Variants in ZGRF1 observed in about 807,000 individuals in gnomAD.
The protein encoded by ZGRF1 is zinc finger GRF-type containing 1.
A neutral mutation model predicts 203.5 loss-of-function variants in ZGRF1; 196 were observed. The observed-to-expected ratio is 0.96, with a 90% CI of 0.86 to 1.08. ZGRF1 has a LOEUF of 1.08. Among genes scored for constraint, ZGRF1 ranks in the 50% least tolerant of loss-of-function variants. The pLI is 0.00. For synonymous variants in ZGRF1, 809 were observed against 841.3 expected (o/e 0.96, Z 0.66); for missense variants, 2,326 against 2,416.3 (o/e 0.96, Z 0.78).
intron 16 of ZGRF1, among the ~76,000 whole-genome samples, chr4:112,578,566 A>G (rs570203810): frequency 8.2e-6 from 1 of 122,478 alleles, no homozygotes; most frequent in Non-Finnish European, 1.8e-5. Flanking sequence ...TCAAATAGAC[A>G]CAATAAAAAA....
chr4:112,586,012 T>C (rs949979542), intron 13 of ZGRF1, among the ~76,000 whole-genome samples: 17 of 150,468 alleles, frequency 1.1e-4, no homozygotes, highest in Non-Finnish European at 2.2e-4. Context: ...CCAAGGCGAG[T>C]AGATTGCTTG....
intron 8 of ZGRF1, among the ~76,000 whole-genome samples, chr4:112,607,344 C>T (rs1372306614): frequency 6.6e-6 from 1 of 152,090 alleles, no homozygotes; most frequent in Non-Finnish European, 1.5e-5. Context: ...GTATTGCCCA[C>T]ACTGATCTCA....
At chr4:112,548,637 G>T (rs1218150310) in intron 22 of ZGRF1, among the ~76,000 whole-genome samples, 2 of 150,006 alleles carry the variant, frequency 1.3e-5, no homozygotes, top group South Asian at 2.1e-4. Context: ...ATATTCAGAC[G>T]GAAAGTATCA....
intron 16 of ZGRF1, among the ~76,000 whole-genome samples, chr4:112,567,617 A>T (rs1216693887): frequency 1.3e-5 from 2 of 152,120 alleles, no homozygotes; most frequent in African/African-American, 4.8e-5. Flanking sequence ...ATAAATAAAT[A>T]CATATGCACA....
chr4:112,560,607 G>T, intron 19 of ZGRF1, 126 bp downstream of exon 19: 1 of 801,614 alleles, frequency 1.2e-6, no homozygotes, highest in Non-Finnish European at 2.0e-6. Flanking sequence ...GTGGGTACAG[G>T]TTTAAAAAGT....
chr4:112,621,520 G>A (rs974865199), intron 4 of ZGRF1, among the ~76,000 whole-genome samples: 13 of 151,614 alleles, frequency 8.6e-5, no homozygotes, highest in Admixed American at 3.3e-4. Context: ...GGGTGTGGTG[G>A]TGCATGCCTG....
rs757579465 is a variant in ZGRF1, at chr4:112,618,723, G to C, written c.1319C>G (p.Pro440Arg). The change falls in exon 6 of 28, where the codon CCT (proline) becomes CGT (arginine). Residue 440 changes from proline to arginine, a missense_variant. Coordinates refer to ENST00000505019, the MANE Select transcript of ZGRF1 (RefSeq NM_018392.5). ...GCACCCCTTGTCATTTTGATTAAAAGGTATTTTATTATCTTCTTGAATGTC... is the reference window on the plus strand; with the variant it reads ...GCACCCCTTGTCATTTTGATTAAAACGTATTTTATTATCTTCTTGAATGTC... ...ESDIQEDNKI[P>R]FNQNDKGCIK... 3 of 1,610,612 alleles carry C rather than the reference G, an allele frequency of 1.9e-6. No individual in the cohort carries two copies. Among genetic ancestry groups the C allele is most frequent in the Non-Finnish European group, 2.5e-6 (3 of 1,179,040 alleles).
intron 10 of ZGRF1, among the ~76,000 whole-genome samples, chr4:112,593,980 C>T (rs950193642): frequency 6.6e-6 from 1 of 151,944 alleles, no homozygotes; most frequent in African/African-American, 2.4e-5. Context: ...CACTTGAACT[C>T]CTGGGCTCAA....
chr4:112,541,001 T>C (rs746931688), intron 25 of ZGRF1, 46 bp from the exon 26 acceptor site: 8 of 1,550,198 alleles, frequency 5.2e-6, no homozygotes, highest in South Asian at 3.6e-5. Context: ...AGAAAGGCTA[T>C]GGAAAAACCA....
intron 3 of ZGRF1, chr4:112,628,860 A>C (rs996584125): frequency 2.3e-6 from 1 of 434,112 alleles, no homozygotes; most frequent in South Asian, 1.7e-5. Flanking sequence ...ATCTAAAGAA[A>C]AAGGCAGAAT....
At chr4:112,592,096 C>CTTTTTT (rs961223953) in intron 10 of ZGRF1, among the ~76,000 whole-genome samples, 5 of 128,570 alleles carry the variant, frequency 3.9e-5, no homozygotes, top group Admixed American at 8.0e-5. Context: ...CTCATTCATT[C>CTTTTTT]TTTTTTTTTT....
rs758972205 is a variant in ZGRF1, at chr4:112,619,018, TAG to T, written c.1022_1023del (p.Ser341TyrfsTer6). ...CTTTCTGTATCATTCCCATCTACAG[TAG>T]AAGAATGTATAGGTGAACTCTGTGA... ...LSSQSSPIHS[S>X]TVDGNDTERK... On this transcript the variant is annotated frameshift_variant, in exon 6 of 28. Coordinates refer to ENST00000505019, the MANE Select transcript of ZGRF1 (RefSeq NM_018392.5). LOFTEE classifies it high-confidence loss of function. The T allele has an allele frequency of 4.3e-6, 7 of 1,613,926 alleles. No individual in the cohort carries two copies. Among genetic ancestry groups the T allele is most frequent in the Non-Finnish European group, 5.9e-6 (7 of 1,179,876 alleles).
intron 16 of ZGRF1, among the ~76,000 whole-genome samples, chr4:112,564,710 G>A (rs1401231231): frequency 6.6e-6 from 1 of 151,728 alleles, no homozygotes; most frequent in African/African-American, 2.4e-5. Flanking sequence ...ATGCTGGCTT[G>A]GAGATTTTTA....
intron 7 of ZGRF1, among the ~76,000 whole-genome samples, chr4:112,611,553 C>T (rs561851938): frequency 3.2e-4 from 48 of 152,366 alleles, no homozygotes; most frequent in African/African-American, 1.2e-3. Context: ...GAGAAACACT[C>T]ATCTAGATGA....
rs1368342001 is a variant in ZGRF1, at chr4:112,618,913, T to C, written c.1129A>G (p.Thr377Ala). The C allele has an allele frequency of 1.9e-6, 3 of 1,613,926 alleles. No homozygotes were observed. Among genetic ancestry groups the C allele is most frequent in the South Asian group, 2.2e-5 (2 of 91,070 alleles). The change falls in exon 6 of 28, where the codon ACG (threonine) becomes GCG (alanine). Residue 377 changes from threonine (T) to alanine (A), a missense_variant. Transcript: ENST00000505019. ...SLQKIIQFVE[T>A]YAEERKKYNV... is the part of the protein sequence containing the mutation. ...TACTTTTTCCTCTCTTCAGCATACG[T>C]TTCAACGAACTGTATAATTTTTTGT...
intron 10 of ZGRF1, among the ~76,000 whole-genome samples, chr4:112,591,139 A>G (rs183458459): frequency 1.3e-5 from 2 of 152,260 alleles, no homozygotes; most frequent in Admixed American, 1.3e-4. Flanking sequence ...TAGTTTTATT[A>G]TATTTCTGAG....
chr4:112,628,908 G>GT, intron 3 of ZGRF1: 1 of 392,426 alleles, frequency 2.5e-6, no homozygotes. Flanking sequence ...ATCAGACACT[G>GT]AATGAATTAG....
At chr4:112,634,854 G>A (rs558128729) in intron 1 of ZGRF1, among the ~76,000 whole-genome samples, 47 of 152,038 alleles carry the variant, frequency 3.1e-4, no homozygotes, top group African/African-American at 1.1e-3. Flanking sequence ...ACTCCTGGCC[G>A]GGTGTGGTGA....
rs1457020164 is a variant in ZGRF1, at chr4:112,618,713, T to C, written c.1329A>G (p.Gln443=). Residue 443 remains glutamine (Q), a synonymous_variant, in exon 6 of 28, where the codon CAA becomes CAG. Coordinates refer to ENST00000505019, the MANE Select transcript of ZGRF1 (RefSeq NM_018392.5). ...ATCCTTTAATGCACCCCTTGTCATT[T>C]TGATTAAAAGGTATTTTATTATCTT... ...IQEDNKIPFN[Q]NDKGCIKGSV... 5.0e-6 allele frequency: 8 copies of C among 1,611,244 alleles called. No homozygotes were observed. The highest frequency in any genetic ancestry group is 2.7e-5 in the African/African-American group (2 of 74,986).
Sources: allele counts gnomAD v4.1 joint callset (sites outside exome capture counted in the v4.1 genomes callset), GRCh38; gene constraint gnomAD v4.1.1; transcripts MANE v1.5; gene names NCBI Gene and HGNC (gene_info 2026-07-23, HGNC 2026-07-21).